SMC1B: variants seen among roughly 807,000 people sequenced by gnomAD.
The protein encoded by SMC1B is structural maintenance of chromosomes protein 1B.
SMC1B carries 60 observed loss-of-function variants against 157.9 expected under a neutral mutation model. The ratio of observed to expected loss-of-function variants is 0.38; its 90% CI spans 0.31 to 0.47. The LOEUF is 0.47. Ranked by LOEUF, SMC1B falls within the 20% of genes least tolerant of loss-of-function variation. The pLI is 0.99. For missense variants in SMC1B, 1,165 were observed against 1,426.2 expected, an observed-to-expected ratio of 0.82 and a Z score of 2.95; for synonymous variants, 445 against 483.0, an observed-to-expected ratio of 0.92 and a Z score of 1.03.
chr22:45,348,945 C>A (rs1337633079), intron 23 of SMC1B, among the ~76,000 whole-genome samples: 2 of 151,934 alleles, frequency 1.3e-5, no homozygotes, highest in Non-Finnish European at 2.9e-5. Context: ...CTCAAGCAAT[C>A]CACCCGCCTC....
At chr22:45,347,118 C>T (rs1024020841) in intron 23 of SMC1B, among the ~76,000 whole-genome samples, 4 of 152,178 alleles carry the variant, frequency 2.6e-5, no homozygotes, top group Non-Finnish European at 5.9e-5. Context: ...AGATTTCTCC[C>T]AGATGAGTCT....
chr22:45,347,175 A>G (rs1388242478), intron 23 of SMC1B, among the ~76,000 whole-genome samples: 1 of 151,968 alleles, frequency 6.6e-6, no homozygotes, highest in Non-Finnish European at 1.5e-5. Context: ...CATTCAGGAG[A>G]CAACTCAAGA....
intron 11 of SMC1B, among the ~76,000 whole-genome samples, chr22:45,386,013 T>A (rs940738572): frequency 1.3e-5 from 2 of 152,062 alleles, no homozygotes; most frequent in African/African-American, 4.8e-5. Context: ...ACTACCAGTT[T>A]TTGAGAGCTA....
At position 45,355,096 on chromosome 22, in the gene SMC1B, T is replaced by A. The variant is rs562733507; in HGVS notation, c.2981A>T (p.Glu994Val). Residue 994 changes from glutamate to valine, a missense_variant, in exon 20 of 25, where the codon GAA becomes GTA. Transcript: ENST00000357450. ...TAAGAGCCTAAGGTGGGCCTCGATT[T>A]CTTGATCAGACTGTAGAGCCTATTA... ...EDLKALQSDQEIEAHLRLLLQ... is the reference protein window; with the variant it reads ...EDLKALQSDQVIEAHLRLLLQ... 16 of 1,614,182 alleles carry A rather than the reference T, an allele frequency of 9.9e-6. 1 individual carries two copies. The South Asian group carries it at 1.5e-4, about 16-fold the overall frequency.
intron 23 of SMC1B, among the ~76,000 whole-genome samples, chr22:45,349,407 G>A (rs969172681): frequency 7.9e-5 from 12 of 151,028 alleles, no homozygotes; most frequent in African/African-American, 2.9e-4. Flanking sequence ...TGCAATCTCG[G>A]CTCACTGCAA....
chr22:45,359,541 C>T (rs2086700976), intron 18 of SMC1B, among the ~76,000 whole-genome samples: 1 of 152,160 alleles, frequency 6.6e-6, no homozygotes, highest in African/African-American at 2.4e-5. Context: ...TGCATACTGC[C>T]TGTGGCTCAT....
chr22:45,362,809 G>A (rs2086734562), intron 16 of SMC1B, 76 bp downstream of exon 16: 1 of 1,227,658 alleles, frequency 8.1e-7, no homozygotes, highest in Non-Finnish European at 1.2e-6. Flanking sequence ...CCCTTCAGGA[G>A]CGCACAAAAG....
At chr22:45,405,254 A>G (rs1209515041) in intron 4 of SMC1B, among the ~76,000 whole-genome samples, 1 of 152,180 alleles carries the variant, frequency 6.6e-6, no homozygotes, top group African/African-American at 2.4e-5. Context: ...CAAGGCTAGT[A>G]CGCCTTATAA....
chr22:45,401,532 A>C (rs2087193497), intron 5 of SMC1B, among the ~76,000 whole-genome samples: 1 of 152,244 alleles, frequency 6.6e-6, no homozygotes. Flanking sequence ...CTGCATAATA[A>C]AAAATTAGGG....
In SMC1B at chr22:45,389,950, A is replaced by G; in HGVS notation, c.1546-53T>C. ...AAACAGATATATTAGAGTGAAATAT[A>G]TAATTCATTATTTTCTAATGTAACA... is the stretch of plus-strand genomic sequence containing the variant. On this transcript the variant is annotated intron_variant, in intron 9 of 24. Coordinates refer to ENST00000357450, the MANE Select transcript of SMC1B (RefSeq NM_148674.5). 2.1e-6 allele frequency: 3 copies of G among 1,437,156 alleles called. No homozygotes were observed. The South Asian group carries it at 3.7e-5, about 18-fold the overall frequency. 89.0% of individuals were successfully genotyped at this position (1,437,156 alleles called of 1,614,324 possible).
intron 10 of SMC1B, among the ~76,000 whole-genome samples, chr22:45,388,848 C>T (rs2087020889): frequency 6.6e-6 from 1 of 151,518 alleles, no homozygotes; most frequent in Non-Finnish European, 1.5e-5. Flanking sequence ...ATCAGCCGGG[C>T]GTGCTGGCAC....
At chr22:45,368,883 A>C (rs1211339676) in intron 15 of SMC1B, among the ~76,000 whole-genome samples, 1 of 152,174 alleles carries the variant, frequency 6.6e-6, no homozygotes, top group Admixed American at 6.5e-5. Context: ...GTGCCTTTAA[A>C]GTCTGCTGAG....
intron 7 of SMC1B, 103 bp downstream of exon 7, chr22:45,396,243 G>T (rs768752316): frequency 1.1e-6 from 1 of 932,012 alleles, no homozygotes; most frequent in Non-Finnish European, 1.6e-6. Flanking sequence ...AAATGAGACA[G>T]TATAGTGTAA....
intron 12 of SMC1B, among the ~76,000 whole-genome samples, chr22:45,382,084 T>TAAAAAATATAAATGTTA (rs1452098794): frequency 2.0e-5 from 3 of 152,100 alleles, no homozygotes; most frequent in Admixed American, 2.0e-4. Context: ...TCCAGATGAA[T>TAAAAAATATAAATGTTA]AAAAAATATA....
At chr22:45,408,194 C>T (rs980871446) in intron 2 of SMC1B, among the ~76,000 whole-genome samples, 5 of 152,094 alleles carry the variant, frequency 3.3e-5, no homozygotes, top group Non-Finnish European at 5.9e-5. Flanking sequence ...GGCGTGATCT[C>T]GGCTCACTGC....
At chr22:45,355,291 G>T (rs1301337099) in intron 19 of SMC1B, among the ~76,000 whole-genome samples, 176 bp from the exon 20 acceptor site, 1 of 152,178 alleles carries the variant, frequency 6.6e-6, no homozygotes, top group East Asian at 1.9e-4. Context: ...GTAGCTTCCT[G>T]AGTCGGCAGT....
At chr22:45,374,557 C>T (rs2086867033) in intron 12 of SMC1B, among the ~76,000 whole-genome samples, 1 of 152,124 alleles carries the variant, frequency 6.6e-6, no homozygotes, top group Admixed American at 6.5e-5. Flanking sequence ...ACAGTTTGGA[C>T]CAAATTCTAA....
intron 12 of SMC1B, among the ~76,000 whole-genome samples, chr22:45,382,456 A>C (rs1179683202): frequency 6.6e-6 from 1 of 152,214 alleles, no homozygotes; most frequent in Non-Finnish European, 1.5e-5. Flanking sequence ...GTGAGGCCCC[A>C]AGGGGTCCAG....
intron 12 of SMC1B, among the ~76,000 whole-genome samples, chr22:45,378,874 C>A (rs915657024): frequency 6.6e-6 from 1 of 152,180 alleles, no homozygotes; most frequent in Non-Finnish European, 1.5e-5. Context: ...TTACTACACA[C>A]AAGGATTTTT....
Sources: allele counts gnomAD v4.1 joint callset (sites outside exome capture counted in the v4.1 genomes callset), GRCh38; gene constraint gnomAD v4.1.1; transcripts MANE v1.5; gene names NCBI Gene and HGNC (gene_info 2026-07-23, HGNC 2026-07-21).